Variants in SNX30 observed in about 807,000 individuals in gnomAD.
SNX30 encodes sorting nexin-30.
A neutral mutation model predicts 46.4 loss-of-function variants in SNX30; 24 were observed. The ratio of observed to expected loss-of-function variants is 0.52; its 90% CI spans 0.37 to 0.73. SNX30 has a LOEUF of 0.73. Among genes scored for constraint, SNX30 ranks in the 30% least tolerant of loss-of-function variants. SNX30 has a pLI of 0.00. For synonymous variants in SNX30, 189 were observed against 211.5 expected (o/e 0.89, Z 0.92); for missense variants, 533 against 555.7 (o/e 0.96, Z 0.41).
At chr9:112,879,543 T>C (rs751714011), downstream of SNX30, 19 of 507,710 alleles carry the variant, frequency 3.7e-5, no homozygotes, top group Non-Finnish European at 6.4e-5. Context: ...CTAATGGGGG[T>C]GTCTTAAAGC....
At chr9:112,855,897 C>A (rs1293466386) in intron 7 of SNX30, among the ~76,000 whole-genome samples, 2 of 152,112 alleles carry the variant, frequency 1.3e-5, no homozygotes, top group African/African-American at 4.8e-5. Flanking sequence ...TAGAATCTAA[C>A]CCGCCATGGA....
At chr9:112,829,367 G>T (rs904597860) in intron 3 of SNX30, among the ~76,000 whole-genome samples, 1 of 152,202 alleles carries the variant, frequency 6.6e-6, no homozygotes, top group Non-Finnish European at 1.5e-5. Context: ...CATCTTGCCA[G>T]CCTAAGCTAT....
chr9:112,787,326 G>A (rs1839946259), intron 1 of SNX30, among the ~76,000 whole-genome samples: 2 of 152,126 alleles, frequency 1.3e-5, no homozygotes, highest in Admixed American at 6.5e-5. Flanking sequence ...CACTGTGGAA[G>A]GAAGTATGAC....
At chr9:112,865,661 A>ATATATATATATGTGTG in intron 8 of SNX30, among the ~76,000 whole-genome samples, 32 of 105,680 alleles carry the variant, frequency 3.0e-4, no homozygotes, top group African/African-American at 1.2e-3. Context: ...ATATATATAT[A>ATATATATATATGTGTG]TGTATGTATG....
At chr9:112,778,341 C>T (rs527718463) in intron 1 of SNX30, among the ~76,000 whole-genome samples, 52 of 150,746 alleles carry the variant, frequency 3.4e-4, no homozygotes, top group Non-Finnish European at 4.7e-4. Context: ...GGTGCGATCC[C>T]GGCTCACTGC....
chr9:112,757,861 C>T (rs530072517), intron 1 of SNX30, among the ~76,000 whole-genome samples: 63 of 152,294 alleles, frequency 4.1e-4, no homozygotes, highest in Non-Finnish European at 6.3e-4. Context: ...TCATGTCTTT[C>T]ATCTACAACC....
downstream of SNX30, chr9:112,879,614 C>T: frequency 1.5e-6 from 1 of 659,066 alleles, no homozygotes; most frequent in Non-Finnish European, 2.6e-6. Context: ...ATCCCTGAGC[C>T]AGAGCAGGTC....
At position 112,857,758 on chromosome 9, in the gene SNX30, A is replaced by C. The variant is rs1336845179; in HGVS notation, c.1102-6489A>C. On this transcript the variant is annotated intron_variant, in intron 7 of 8. Transcript: ENST00000374232. ...GCACATGGAAGGAGCTCAGTAACGC[A>C]TGCATGCATGCATCCATCCATCCAT... Among the ~76,000 whole-genome samples, 5 of 61,534 alleles carry C rather than the reference A, an allele frequency of 8.1e-5. No homozygotes were observed. The South Asian group carries it at 1.6e-3, about 19-fold the overall frequency. 40.4% of individuals were successfully genotyped at this position (61,534 alleles called of 152,430 possible).
chr9:112,879,546 C>G, downstream of SNX30: 1 of 529,400 alleles, frequency 1.9e-6, no homozygotes, highest in Non-Finnish European at 3.4e-6. Context: ...ATGGGGGTGT[C>G]TTAAAGCTGA....
At chr9:112,855,441 C>T (rs756517871) in intron 7 of SNX30, among the ~76,000 whole-genome samples, 8 of 152,210 alleles carry the variant, frequency 5.3e-5, no homozygotes, top group Non-Finnish European at 8.8e-5. Flanking sequence ...GAAAAACTTG[C>T]GCTGGATAAG....
At chr9:112,840,024 G>A (rs375499941) in intron 6 of SNX30, among the ~76,000 whole-genome samples, 12 of 152,342 alleles carry the variant, frequency 7.9e-5, no homozygotes, top group East Asian at 3.9e-4. Context: ...TCCTTGTTCC[G>A]TCTTGTCCCA....
intron 7 of SNX30, among the ~76,000 whole-genome samples, chr9:112,859,728 A>G (rs1040393369): frequency 6.7e-6 from 1 of 149,410 alleles, no homozygotes; most frequent in Non-Finnish European, 1.5e-5. Context: ...GCTGGTCTCG[A>G]ACTCCTGACC....
At chr9:112,813,065 T>C (rs1213980802) in intron 2 of SNX30, among the ~76,000 whole-genome samples, 1 of 152,136 alleles carries the variant, frequency 6.6e-6, no homozygotes, top group African/African-American at 2.4e-5. Flanking sequence ...GAGAATCACC[T>C]GAACCTGGGA....
chr9:112,882,774 TAGC>T (rs1231606220), downstream of SNX30, among the ~76,000 whole-genome samples: 1 of 152,124 alleles, frequency 6.6e-6, no homozygotes, highest in East Asian at 1.9e-4. Context: ...ACAGGAGTGT[TAGC>T]AGGCTTAGGA....
rs189061306 is a variant in SNX30 at position 112,839,647 on chromosome 9, A to G, written c.1014+950A>G. 2.2e-3 allele frequency among the ~76,000 whole-genome samples: 335 copies of G among 152,344 alleles called. 3 individuals carry two copies. Among genetic ancestry groups the G allele is most frequent in the African/African-American group, 7.6e-3 (316 of 41,576 alleles). On this transcript the variant is annotated intron_variant, in intron 6 of 8. Transcript: ENST00000374232. ...GGGGCACTGATTAGTAGAAAGGCCC[A>G]GTCTTTATGACCAATAGAAAAAGAT...
chr9:112,754,933 G>A (rs960090162), intron 1 of SNX30, among the ~76,000 whole-genome samples: 2 of 152,022 alleles, frequency 1.3e-5, no homozygotes, highest in African/African-American at 4.8e-5. Context: ...GCCTCCTTAG[G>A]TCACTTAGAC....
chr9:112,837,984 G>A (rs1468328078), intron 5 of SNX30, among the ~76,000 whole-genome samples: 1 of 149,560 alleles, frequency 6.7e-6, no homozygotes, highest in Non-Finnish European at 1.5e-5. Flanking sequence ...TCTGCCTCCT[G>A]GGTTCAAGCA....
intron 7 of SNX30, among the ~76,000 whole-genome samples, chr9:112,856,450 T>G (rs1841131025): frequency 6.8e-6 from 1 of 147,550 alleles, no homozygotes; most frequent in Non-Finnish European, 1.5e-5. Flanking sequence ...GGTGTGGTGT[T>G]TTGGGGGAGC....
intron 1 of SNX30, among the ~76,000 whole-genome samples, chr9:112,758,636 T>C (rs1211718031): frequency 1.3e-5 from 2 of 152,344 alleles, no homozygotes; most frequent in East Asian, 3.9e-4. Flanking sequence ...GCTCAAGCGA[T>C]CTGCCCGCAT....
Sources: gnomAD v4.1 joint callset for allele counts (sites outside exome capture counted in the v4.1 genomes callset) on GRCh38, gnomAD v4.1.1 for gene constraint, MANE v1.5 for transcripts, NCBI Gene and HGNC (gene_info 2026-07-23, HGNC 2026-07-21) for gene names.